The following CCNH variants were observed in gnomAD, a reference collection of about 807,000 sequenced individuals.
The protein encoded by CCNH is cyclin H.
In CCNH, 31 loss-of-function variants were observed where a neutral mutation model predicts 41.9. The ratio of observed to expected loss-of-function variants is 0.74; its 90% CI spans 0.56 to 1.00. The LOEUF (loss-of-function observed/expected upper bound fraction) is 1.00, where lower values mean the gene tolerates loss of function less well. Among genes scored for constraint, CCNH ranks in the 50% least tolerant of loss-of-function variants. The probability of loss-of-function intolerance (pLI) is 0.00; values close to 1 mark genes in which losing one functional copy is unlikely to be tolerated. For synonymous variants in CCNH, 138 were observed against 136.1 expected, an observed-to-expected ratio of 1.01 and a Z score of -0.10; for missense variants, 362 against 388.4, an observed-to-expected ratio of 0.93 and a Z score of 0.57.
chr5:87,356,511 T>A (rs1014819445), intron 9 of CCNH, among the ~76,000 whole-genome samples: 1 of 151,828 alleles, frequency 6.6e-6, no homozygotes, highest in African/African-American at 2.4e-5. Flanking sequence ...TGCCTCAGGC[T>A]CCCCAGTAGC....
intron 9 of CCNH, chr5:87,333,471 G>A: frequency 7.3e-7 from 1 of 1,375,932 alleles, no homozygotes; most frequent in Non-Finnish European, 9.8e-7. Flanking sequence ...TTGATATTGG[G>A]TCTGTTGGTC....
intron 9 of CCNH, among the ~76,000 whole-genome samples, chr5:87,352,227 T>C (rs900534440): frequency 2.6e-5 from 4 of 151,720 alleles, no homozygotes; most frequent in African/African-American, 9.7e-5. Flanking sequence ...TCAGGTCCTT[T>C]TGTTTTGGTT....
Position 87,328,527 on chromosome 5 carries a change from C to T in CCNH, c.*91-9630G>A, listed in dbSNP as rs552732240. Reference sequence around the variant, plus strand: ...AAAATTGAGTATTTTAGACAAATAACCACTCCCAAAGTGTTCACTCTTGGG... The same window carrying T: ...AAAATTGAGTATTTTAGACAAATAATCACTCCCAAAGTGTTCACTCTTGGG... On this transcript the variant is annotated intron_variant and NMD_transcript_variant, in intron 9 of 9. Coordinates refer to the CCNH transcript ENST00000645953. Among the ~76,000 whole-genome samples the T allele has an allele frequency of 5.9e-5, 9 of 152,164 alleles. No homozygotes were observed. In the East Asian group the frequency reaches 1.7e-3, roughly 29 times the overall value.
chr5:87,325,108 C>T (rs1580265116), intron 9 of CCNH, among the ~76,000 whole-genome samples: 1 of 151,944 alleles, frequency 6.6e-6, no homozygotes, highest in South Asian at 2.1e-4. Flanking sequence ...ACAATCATGG[C>T]GGAAGGGGAA....
intron 9 of CCNH, among the ~76,000 whole-genome samples, chr5:87,342,537 T>G (rs554174742): frequency 6.6e-6 from 1 of 152,294 alleles, no homozygotes; most frequent in Admixed American, 6.5e-5. Context: ...AGTATATATA[T>G]TCCCAGTTTT....
At chr5:87,372,332 A>G, downstream of CCNH, 2 of 740,662 alleles carry the variant, frequency 2.7e-6, no homozygotes, top group Non-Finnish European at 4.7e-6. Context: ...AGTAGCAGGA[A>G]AACGTTACTT....
At chr5:87,317,972 T>G (rs896033287), downstream of CCNH, among the ~76,000 whole-genome samples, 1 of 152,170 alleles carries the variant, frequency 6.6e-6, no homozygotes, top group African/African-American at 2.4e-5. Flanking sequence ...TTTTCCCATT[T>G]TTTTTAGAGC....
intron 9 of CCNH, among the ~76,000 whole-genome samples, chr5:87,362,018 G>A (rs1300435856): frequency 6.6e-6 from 1 of 152,126 alleles, no homozygotes; most frequent in Non-Finnish European, 1.5e-5. Context: ...TGGATGGATG[G>A]GTGTGGCATG....
chr5:87,313,764 G>C (rs1425477677), downstream of CCNH, among the ~76,000 whole-genome samples: 2 of 152,208 alleles, frequency 1.3e-5, no homozygotes, highest in Non-Finnish European at 2.9e-5. Flanking sequence ...AGGGATCAAC[G>C]AGATGACATT....
At chr5:87,354,715 TGAAAGCCAAAATAG>T (rs1418168716) in intron 9 of CCNH, among the ~76,000 whole-genome samples, 1 of 152,154 alleles carries the variant, frequency 6.6e-6, no homozygotes, top group African/African-American at 2.4e-5. Flanking sequence ...GGAGGCATGG[TGAAAGCCAAAATAG>T]GCTGAAAGCT....
In CCNH at chr5:87,404,899, T is replaced by C; in HGVS notation, c.634A>G (p.Ile212Val). ...CTAGATAAAATGGCAGTCAGGGCAATTTGGGAAGGTGTGTATAAAAGGTAA... is the reference window on the plus strand; with the variant it reads ...CTAGATAAAATGGCAGTCAGGGCAACTTGGGAAGGTGTGTATAAAAGGTAA... ...DAYLLYTPSQ[I>V]ALTAILSSAS... Residue 212 changes from isoleucine (I) to valine (V), a missense_variant, in exon 5 of 9, where the codon ATT becomes GTT. Transcript: ENST00000256897. 1 of 1,613,680 alleles carries C rather than the reference T, an allele frequency of 6.2e-7. No homozygotes were observed. Among genetic ancestry groups the C allele is most frequent in the African/African-American group, 1.3e-5 (1 of 75,016 alleles).
intron 9 of CCNH, among the ~76,000 whole-genome samples, chr5:87,329,447 C>CA: frequency 6.6e-6 from 1 of 151,720 alleles, no homozygotes; most frequent in East Asian, 1.9e-4. Context: ...CGTCTTAAAA[C>CA]AAAACAAAAC....
upstream of CCNH, among the ~76,000 whole-genome samples, chr5:87,378,896 T>C (rs1245355624): frequency 6.6e-6 from 1 of 152,170 alleles, no homozygotes; most frequent in Non-Finnish European, 1.5e-5. Context: ...TCATTACATC[T>C]TGGTTTGTTC....
At chr5:87,406,732 T>A (rs1189565238) in intron 4 of CCNH, among the ~76,000 whole-genome samples, 1 of 152,184 alleles carries the variant, frequency 6.6e-6, no homozygotes, top group Non-Finnish European at 1.5e-5. Context: ...GGAAGCTCTT[T>A]CTGTATCCAC....
downstream of CCNH, among the ~76,000 whole-genome samples, chr5:87,373,154 T>C (rs1761069629): frequency 6.6e-6 from 1 of 152,184 alleles, no homozygotes; most frequent in African/African-American, 2.4e-5. Context: ...GCACTTTTTA[T>C]GTATCAGTGG....
chr5:87,373,719 T>G (rs1761116251), downstream of CCNH, among the ~76,000 whole-genome samples: 1 of 152,186 alleles, frequency 6.6e-6, no homozygotes. Context: ...GTCAGTGTTT[T>G]AAAAATTTTT....
intron 8 of CCNH, 156 bp from the exon 9 acceptor site, chr5:87,394,640 T>C (rs1401068129): frequency 6.9e-7 from 1 of 1,448,768 alleles, no homozygotes; most frequent in South Asian, 1.6e-5. Context: ...GTTAGTAATG[T>C]TGGCATGGTC....
chr5:87,379,508 G>A (rs1047026807), upstream of CCNH, among the ~76,000 whole-genome samples: 1 of 152,116 alleles, frequency 6.6e-6, no homozygotes, highest in Admixed American at 6.5e-5. Context: ...ACTAAGCACT[G>A]TTTGCTTTTC....
downstream of CCNH, chr5:87,390,666 A>C: frequency 1.3e-6 from 1 of 751,246 alleles, no homozygotes; most frequent in South Asian, 1.5e-5. Context: ...ATAGAGACTT[A>C]TGTTTTGAGG....
Sources: gnomAD v4.1 joint callset for allele counts (sites outside exome capture counted in the v4.1 genomes callset) on GRCh38, gnomAD v4.1.1 for gene constraint, MANE v1.5 for transcripts, NCBI Gene and HGNC (gene_info 2026-07-23, HGNC 2026-07-21) for gene names.